The following CSMD2 variants were observed in gnomAD, a reference collection of about 807,000 sequenced individuals.
The protein encoded by CSMD2 is CUB and sushi domain-containing protein 2.
A neutral mutation model predicts 398.5 loss-of-function variants in CSMD2; 130 were observed. The observed-to-expected ratio is 0.33, with a 90% CI of 0.28 to 0.38. The LOEUF (loss-of-function observed/expected upper bound fraction) is 0.38. Among genes scored for constraint, CSMD2 ranks in the 10% least tolerant of loss-of-function variants. CSMD2 has a pLI of 1.00. For missense variants in CSMD2, 3,829 were observed against 4,764.9 expected (o/e 0.80, Z 5.78); for synonymous variants, 1,828 against 1,908.5 (o/e 0.96, Z 1.10).
chr1:33,792,424 T>C lies in CSMD2; in HGVS notation c.1549A>G (p.Ile517Val), dbSNP rs767100657. Residue 517 changes from isoleucine to valine, a missense_variant and splice_region_variant, in exon 11 of 71, where the codon ATC (isoleucine) becomes GTC (valine). Around this residue, in one of 5 missense-constraint regions of CSMD2, gnomAD observed 2,001 missense variants for 2,567.1 expected, o/e 0.78. Coordinates refer to ENST00000373381, the MANE Select transcript of CSMD2 (RefSeq NM_001281956.2). ...AACAACATGCCCCACTGCACTTACA[T>C]GTAGAGAACTGTCTTCTGGTCCCCA... ...QDGDQKTVLY[I>V]LTGTSVPDLI... 122 of 1,609,830 alleles carry C rather than the reference T, an allele frequency of 7.6e-5. No homozygotes were observed. The highest frequency in any genetic ancestry group is 1.1e-4 in the South Asian group (10 of 91,016).
intron 5 of CSMD2, chr1:33,885,033 T>C (rs1419542829): frequency 2.0e-5 from 3 of 152,254 alleles, no homozygotes; most frequent in African/African-American, 7.2e-5. Context: ...TCTGTTACTA[T>C]GCATTGTGCA....
intron 6 of CSMD2, among the ~76,000 whole-genome samples, chr1:33,832,879 G>A (rs1364623305): frequency 1.3e-5 from 2 of 152,170 alleles, no homozygotes; most frequent in African/African-American, 4.8e-5. Flanking sequence ...ACATTTCTAC[G>A]CAAATAAACT....
chr1:33,587,197 G>A, intron 44 of CSMD2, 29 bp from the exon 45 acceptor site: 1 of 1,518,102 alleles, frequency 6.6e-7, no homozygotes, highest in South Asian at 1.2e-5. Flanking sequence ...GCAAGTCAGG[G>A]TAAGATCATC....
chr1:33,595,807 G>C (rs1639799456), intron 44 of CSMD2, among the ~76,000 whole-genome samples: 1 of 152,130 alleles, frequency 6.6e-6, no homozygotes, highest in Non-Finnish European at 1.5e-5. Context: ...AAGGAGCCCT[G>C]GTCCATTTTA....
At chr1:34,091,874 C>T (rs577348455) in intron 1 of CSMD2, among the ~76,000 whole-genome samples, 9 of 152,098 alleles carry the variant, frequency 5.9e-5, no homozygotes, top group East Asian at 5.8e-4. Flanking sequence ...TGGGATTTCA[C>T]GGCTTATTGG....
intron 3 of CSMD2, among the ~76,000 whole-genome samples, chr1:34,013,354 T>G (rs1185388614): frequency 2.0e-5 from 3 of 152,166 alleles, no homozygotes; most frequent in African/African-American, 7.2e-5. Flanking sequence ...CCTGCCTCTC[T>G]CCCTCAGAGG....
rs576423835 is a variant in CSMD2, at chr1:33,678,093, A to G, written c.4052+14837T>C. On this transcript the variant is annotated intron_variant, in intron 25 of 70. Coordinates refer to ENST00000373381, the MANE Select transcript of CSMD2 (RefSeq NM_001281956.2). ...CTGCACGTTCTGCACATATACCCTA[A>G]AACTTAAAGTATAATAATAATAAAA... Among the ~76,000 whole-genome samples, 4 of 151,650 alleles carry G rather than the reference A, an allele frequency of 2.6e-5. 1 individual carries two copies. In the South Asian group the frequency reaches 6.3e-4, roughly 24 times the overall value.
At chr1:34,083,894 C>G (rs1402002360) in intron 2 of CSMD2, among the ~76,000 whole-genome samples, 1 of 151,878 alleles carries the variant, frequency 6.6e-6, no homozygotes, top group Non-Finnish European at 1.5e-5. Context: ...TCTCCAGCCT[C>G]ACTAGTAAAG....
In CSMD2 at chr1:33,567,649, G is replaced by C. The variant is rs750302421; in HGVS notation, c.8324C>G (p.Ser2775Cys). The change falls in exon 53 of 71, where the codon TCT (serine) becomes TGT (cysteine). Residue 2775 changes from serine (S) to cysteine (C), a missense_variant. Coordinates refer to ENST00000373381, the MANE Select transcript of CSMD2 (RefSeq NM_001281956.2). ...CNAGFRLIGM[S>C]VRICQQDHHW... ...ATGATCCTGCTGGCAGATGCGCACAGACATGCCGATCAGGCGGAAGCCAGC... is the reference window on the plus strand; with the variant it reads ...ATGATCCTGCTGGCAGATGCGCACACACATGCCGATCAGGCGGAAGCCAGC... The C allele has an allele frequency of 1.9e-6, 3 of 1,614,048 alleles. No individual in the cohort carries two copies. Among genetic ancestry groups the C allele is most frequent in the Admixed American group, 1.7e-5 (1 of 60,008 alleles).
chr1:33,789,701 T>C (rs765979094), intron 11 of CSMD2, among the ~76,000 whole-genome samples: 24 of 152,094 alleles, frequency 1.6e-4, no homozygotes, highest in Admixed American at 5.2e-4. Flanking sequence ...CATCACACCA[T>C]GGGGGATATG....
In CSMD2 at chr1:33,657,928, C is replaced by A; in HGVS notation, c.4447+18G>T. 1 of 1,600,436 alleles carries A rather than the reference C, an allele frequency of 6.2e-7. No homozygotes were observed. Among genetic ancestry groups the A allele is most frequent in the Non-Finnish European group, 8.5e-7 (1 of 1,169,590 alleles). ...TGTGAGCCCCAAGAGCAGAGTGCAC[C>A]CTGCAGCTGCTTTGTACCGATGCAT... On this transcript the variant is annotated intron_variant, in intron 27 of 70. Transcript: ENST00000373381.
At chr1:34,099,788 C>A (rs1659769294) in intron 1 of CSMD2, among the ~76,000 whole-genome samples, 2 of 152,198 alleles carry the variant, frequency 1.3e-5, no homozygotes, top group South Asian at 2.1e-4. Context: ...CCTCTGGAAG[C>A]AATGCTGAGA....
chr1:34,089,146 T>C lies in CSMD2; in HGVS notation c.235A>G (p.Ser79Gly). 1 of 1,614,116 alleles carries C rather than the reference T, an allele frequency of 6.2e-7. No individual in the cohort carries two copies. The highest frequency in any genetic ancestry group is 8.5e-7 in the Non-Finnish European group (1 of 1,180,026). Residue 79 changes from serine (S) to glycine (G), a missense_variant, in exon 2 of 71, where the codon AGC (serine) becomes GGC (glycine). Physicochemically the swap from Ser to Gly is moderately conservative, Grantham distance 56 (BLOSUM62 0). Around this residue, in one of 5 missense-constraint regions of CSMD2, gnomAD observed 184 missense variants for 217.7 expected, o/e 0.85. Transcript: ENST00000373381. ...GGGTAGCCATATGGGAACCCTGGGCTCTCAACTGTCCCATTGGGACCGTGC... is the reference window on the plus strand; with the variant it reads ...GGGTAGCCATATGGGAACCCTGGGCCCTCAACTGTCCCATTGGGACCGTGC... ...QLHGPNGTVESPGFPYGYPNY... is the reference protein window; with the variant it reads ...QLHGPNGTVEGPGFPYGYPNY...
chr1:33,985,470 A>C (rs1646326731), intron 3 of CSMD2, among the ~76,000 whole-genome samples: 1 of 152,184 alleles, frequency 6.6e-6, no homozygotes, highest in African/African-American at 2.4e-5. Flanking sequence ...GGCTTGGCAG[A>C]GAGGTGGAAG....
chr1:34,155,734 C>T (rs945398161), intron 1 of CSMD2, among the ~76,000 whole-genome samples: 3 of 152,140 alleles, frequency 2.0e-5, no homozygotes, highest in Non-Finnish European at 4.4e-5. Flanking sequence ...CCAAGCAGCC[C>T]GAGCCCTGGG....
chr1:33,749,994 T>C (rs1647991452), intron 13 of CSMD2, among the ~76,000 whole-genome samples: 1 of 152,180 alleles, frequency 6.6e-6, no homozygotes, highest in African/African-American at 2.4e-5. Flanking sequence ...ACCTACAGTA[T>C]AGAAAATCCT....
At chr1:33,598,161 G>A (rs1310631546) in intron 44 of CSMD2, among the ~76,000 whole-genome samples, 1 of 152,142 alleles carries the variant, frequency 6.6e-6, no homozygotes, top group African/African-American at 2.4e-5. Flanking sequence ...GAGCTTCAAA[G>A]GCTTAGGTGT....
At chr1:34,009,640 T>C (rs1382110771) in intron 3 of CSMD2, among the ~76,000 whole-genome samples, 1 of 151,858 alleles carries the variant, frequency 6.6e-6, no homozygotes, top group Non-Finnish European at 1.5e-5. Context: ...TCTCCCTGAG[T>C]GATCTCACAC....
intron 1 of CSMD2, among the ~76,000 whole-genome samples, chr1:34,122,237 A>G (rs1662262276): frequency 6.6e-6 from 1 of 152,132 alleles, no homozygotes; most frequent in East Asian, 1.9e-4. Context: ...TGCACAGGAC[A>G]GTGCTCCAGA....
Sources: gnomAD v4.1 joint callset for allele counts (sites outside exome capture counted in the v4.1 genomes callset) on GRCh38, gnomAD v4.1.1 for gene constraint, gnomAD v4.1.1 regional missense constraint, MANE v1.5 for transcripts, NCBI Gene and HGNC (gene_info 2026-07-23, HGNC 2026-07-21) for gene names.